Variants in DPP6 observed in about 807,000 individuals in gnomAD.
DPP6 encodes A-type potassium channel modulatory protein DPP6.
DPP6 carries 69 observed loss-of-function variants against 122.6 expected under a neutral mutation model. The observed-to-expected ratio is 0.56, with a 90% confidence interval of 0.46 to 0.69. The LOEUF is 0.69. Ranked by LOEUF, DPP6 falls within the 30% of genes least tolerant of loss-of-function variation. DPP6 has a pLI of 0.00. For synonymous variants in DPP6, 418 were observed against 433.1 expected, an observed-to-expected ratio of 0.97 and a Z score of 0.43; for missense variants, 928 against 1,116.9, an observed-to-expected ratio of 0.83 and a Z score of 2.41.
chr7:153,776,597 C>T, the DPP6 span, among the ~76,000 whole-genome samples: 1 of 152,126 alleles, frequency 6.6e-6, no homozygotes, highest in South Asian at 2.1e-4. Flanking sequence ...CAGATAGATA[C>T]ACAGTTCAAT....
chr7:154,194,906 C>T (rs1475013949), intron 1 of DPP6, among the ~76,000 whole-genome samples: 1 of 152,166 alleles, frequency 6.6e-6, no homozygotes, highest in Non-Finnish European at 1.5e-5. Context: ...ACAAATATAT[C>T]GTTGGCAAAT....
intron 1 of DPP6, among the ~76,000 whole-genome samples, chr7:154,160,943 G>C (rs1336271695): frequency 6.6e-6 from 1 of 152,112 alleles, no homozygotes; most frequent in Admixed American, 6.6e-5. Flanking sequence ...GGGGGTGACT[G>C]TGCATAATTA....
chr7:154,765,697 C>T (rs1278405702), intron 8 of DPP6, among the ~76,000 whole-genome samples: 1 of 152,114 alleles, frequency 6.6e-6, no homozygotes, highest in Non-Finnish European at 1.5e-5. Flanking sequence ...CATTGAACAC[C>T]GACTGTCCCC....
chr7:154,449,672 G>C (rs1820184287), intron 2 of DPP6, among the ~76,000 whole-genome samples: 1 of 152,050 alleles, frequency 6.6e-6, no homozygotes, highest in African/African-American at 2.4e-5. Context: ...AGCCAAAAAA[G>C]TGAAAACAAC....
Position 154,872,649 on chromosome 7 carries a change from A to G in DPP6, c.1839A>G (p.Pro613=), listed in dbSNP as rs1382554484. The part of the protein sequence containing the change: ...DYNLPMQILK[P]ATFTDTTHYP... ...ACCTGCCCATGCAGATACTGAAGCCAGCAACCTTCACCGACACCACCCACT... is the reference window on the plus strand; with the variant it reads ...ACCTGCCCATGCAGATACTGAAGCCGGCAACCTTCACCGACACCACCCACT... Residue 613 remains proline (P), a synonymous_variant, in exon 19 of 26, where the codon CCA becomes CCG. Coordinates refer to ENST00000377770, the MANE Select transcript of DPP6 (RefSeq NM_130797.4). The G allele has an allele frequency of 3.1e-6, 5 of 1,602,636 alleles. No individual in the cohort carries two copies. Among genetic ancestry groups the G allele is most frequent in the Non-Finnish European group, 4.3e-6 (5 of 1,174,844 alleles).
chr7:154,582,135 G>A (rs1309469471), intron 5 of DPP6, among the ~76,000 whole-genome samples: 5 of 152,142 alleles, frequency 3.3e-5, no homozygotes, highest in Admixed American at 6.5e-5. Context: ...TGCACTCCTC[G>A]TCCTGGTGGA....
intron 3 of DPP6, among the ~76,000 whole-genome samples, chr7:154,512,267 C>T (rs1440685907): frequency 6.6e-6 from 1 of 152,152 alleles, no homozygotes; most frequent in Non-Finnish European, 1.5e-5. Context: ...TCAGATAATC[C>T]TGTCACAGAA....
chr7:153,828,747 T>C, the DPP6 span, among the ~76,000 whole-genome samples: 1 of 152,180 alleles, frequency 6.6e-6, no homozygotes, highest in Admixed American at 6.5e-5. Context: ...ATTTCTGCCT[T>C]TCTATACTAC....
At chr7:154,401,964 A>C (rs1296549799) in intron 1 of DPP6, among the ~76,000 whole-genome samples, 1 of 152,246 alleles carries the variant, frequency 6.6e-6, no homozygotes, top group Non-Finnish European at 1.5e-5. Flanking sequence ...TCTCAGAAGA[A>C]GACATTTATG....
chr7:154,578,051 C>T (rs1042615114), intron 5 of DPP6, among the ~76,000 whole-genome samples: 6 of 152,202 alleles, frequency 3.9e-5, no homozygotes, highest in Non-Finnish European at 7.3e-5. Flanking sequence ...AACATGTTAA[C>T]TTAAGATGCC....
intron 3 of DPP6, among the ~76,000 whole-genome samples, chr7:154,517,119 G>A (rs1826578946): frequency 6.6e-6 from 1 of 152,210 alleles, no homozygotes; most frequent in Admixed American, 6.5e-5. Flanking sequence ...GGTGAAGAAA[G>A]TGCTGAGTGT....
chr7:154,483,998 TA>T lies in DPP6; in HGVS notation c.457+8964del, dbSNP rs1307047866. On this transcript the variant is annotated intron_variant, in intron 3 of 25. Coordinates refer to ENST00000377770, the MANE Select transcript of DPP6 (RefSeq NM_130797.4). This position sits in a 1 kb window ranked among gnomAD's most constrained non-coding sequence, Gnocchi z 8.1. ...GTGAGCCACCACGCCCGGCCCAGGT[TA>T]AATTTTATTTATGTTTGCAATTCAC... 2.6e-5 allele frequency among the ~76,000 whole-genome samples: 4 copies of T among 152,206 alleles called. No homozygotes were observed. In the East Asian group the frequency reaches 7.7e-4, roughly 29 times the overall value.
chr7:153,868,368 G>C, the DPP6 span, among the ~76,000 whole-genome samples: 1 of 152,036 alleles, frequency 6.6e-6, no homozygotes, highest in East Asian at 1.9e-4. Context: ...ATTCTTCCTG[G>C]TTTAGTCTTG....
chr7:153,896,798 G>A (rs1264090032), intron 1 of DPP6, among the ~76,000 whole-genome samples: 1 of 152,156 alleles, frequency 6.6e-6, no homozygotes, highest in African/African-American at 2.4e-5. Context: ...GGGTGGCAAA[G>A]CAAGACCCCG....
chr7:154,518,957 A>G (rs1020944555), intron 3 of DPP6, among the ~76,000 whole-genome samples: 13 of 152,188 alleles, frequency 8.5e-5, no homozygotes, highest in Admixed American at 6.5e-5. Flanking sequence ...AGGGAACTAC[A>G]TCAGACACGG....
At chr7:153,999,621 G>A (rs1228990447) in intron 1 of DPP6, among the ~76,000 whole-genome samples, 2 of 152,102 alleles carry the variant, frequency 1.3e-5, no homozygotes, top group African/African-American at 2.4e-5. Flanking sequence ...TTATAGTTTA[G>A]TATCTATCTT....
intron 1 of DPP6, among the ~76,000 whole-genome samples, chr7:154,255,798 T>C (rs1306940183): frequency 6.6e-6 from 1 of 152,206 alleles, no homozygotes; most frequent in Non-Finnish European, 1.5e-5. Context: ...TACTACATAG[T>C]AGACACTTAA....
chr7:153,880,230 A>G, the DPP6 span, among the ~76,000 whole-genome samples: 3 of 152,204 alleles, frequency 2.0e-5, no homozygotes, highest in African/African-American at 7.2e-5. Context: ...CTTTCAGTTT[A>G]TAAGTGTTTG....
intron 1 of DPP6, among the ~76,000 whole-genome samples, chr7:153,981,052 C>A (rs1005242865): frequency 1.1e-4 from 16 of 151,994 alleles, no homozygotes; most frequent in Non-Finnish European, 1.9e-4. Flanking sequence ...TCTGTAGATG[C>A]CTATTAAGTC....
Sources: allele counts gnomAD v4.1 joint callset (sites outside exome capture counted in the v4.1 genomes callset), GRCh38; gene constraint gnomAD v4.1.1; non-coding constraint Gnocchi (gnomAD v3.1); transcripts MANE v1.5; gene names NCBI Gene and HGNC (gene_info 2026-07-23, HGNC 2026-07-21).